Variants in CACNG2 observed in about 807,000 individuals in gnomAD.
CACNG2 encodes the protein voltage-dependent calcium channel gamma-2 subunit.
A neutral mutation model predicts 25.9 loss-of-function variants in CACNG2; 3 were observed. The observed-to-expected ratio is 0.12, with a 90% CI of 0.05 to 0.30. The LOEUF is 0.30. Ranked by LOEUF, CACNG2 falls within the 10% of genes least tolerant of loss-of-function variation. The pLI, the probability that CACNG2 is intolerant of heterozygous loss-of-function variation, is 1.00. For missense variants in CACNG2, 341 were observed against 432.5 expected (o/e 0.79, Z 1.88); for synonymous variants, 167 against 173.3 (o/e 0.96, Z 0.29).
chr22:36,688,491 G>T (rs1017497766), intron 1 of CACNG2, among the ~76,000 whole-genome samples: 1 of 143,672 alleles, frequency 7.0e-6, no homozygotes, highest in African/African-American at 2.6e-5. Flanking sequence ...AGTGAGCCAT[G>T]ATTGCACCAC....
chr22:36,653,711 C>T (rs1419120606), intron 1 of CACNG2, among the ~76,000 whole-genome samples: 1 of 152,076 alleles, frequency 6.6e-6, no homozygotes, highest in Non-Finnish European at 1.5e-5. Context: ...TCTGGAATCT[C>T]TGGGAACCCT....
intron 1 of CACNG2, among the ~76,000 whole-genome samples, chr22:36,592,099 C>T (rs933917700): frequency 2.0e-5 from 3 of 151,788 alleles, no homozygotes; most frequent in Non-Finnish European, 4.4e-5. Context: ...AGAGTTGCGT[C>T]TAACCAGGAG....
intron 1 of CACNG2, among the ~76,000 whole-genome samples, chr22:36,699,989 C>T (rs983949002): frequency 3.9e-5 from 6 of 152,362 alleles, no homozygotes; most frequent in African/African-American, 1.4e-4. Flanking sequence ...CGGTCAAAAG[C>T]GGGCCCGGAG....
intron 1 of CACNG2, among the ~76,000 whole-genome samples, chr22:36,600,142 A>C (rs117558925): frequency 0.018 from 2,775 of 152,360 alleles, 34 homozygotes; most frequent in Non-Finnish European, 0.029. Flanking sequence ...AGAATAAGAT[A>C]AAGGGTATCT....
intron 1 of CACNG2, among the ~76,000 whole-genome samples, chr22:36,597,806 C>A (rs1935699475): frequency 6.6e-6 from 1 of 152,148 alleles, no homozygotes; most frequent in Non-Finnish European, 1.5e-5. Context: ...CATGAGCTTG[C>A]AGGAAGTGCC....
intron 1 of CACNG2, among the ~76,000 whole-genome samples, chr22:36,643,740 A>G (rs1373266132): frequency 6.6e-6 from 1 of 152,160 alleles, no homozygotes; most frequent in African/African-American, 2.4e-5. Flanking sequence ...AGTTACATGA[A>G]TCTTATTGTT....
intron 1 of CACNG2, among the ~76,000 whole-genome samples, chr22:36,675,702 G>T (rs747095314): frequency 2.6e-5 from 4 of 152,180 alleles, no homozygotes; most frequent in Non-Finnish European, 5.9e-5. Flanking sequence ...CCCCATCTCC[G>T]TGCCTCTCTC....
chr22:36,627,561 C>T (rs1936202867), intron 1 of CACNG2, among the ~76,000 whole-genome samples: 1 of 152,016 alleles, frequency 6.6e-6, no homozygotes, highest in Non-Finnish European at 1.5e-5. Context: ...TCAGGCTTAG[C>T]TGCCTTAAAC....
intron 1 of CACNG2, among the ~76,000 whole-genome samples, chr22:36,591,045 T>A (rs1402113826): frequency 6.6e-5 from 10 of 151,404 alleles, no homozygotes; most frequent in African/African-American, 1.7e-4. Flanking sequence ...GAGATATATT[T>A]TTTTTTTTTG....
chr22:36,665,378 G>T (rs1453750554), intron 1 of CACNG2, among the ~76,000 whole-genome samples: 1 of 152,202 alleles, frequency 6.6e-6, no homozygotes, highest in Non-Finnish European at 1.5e-5. Flanking sequence ...GACTCATAGG[G>T]TTGTCACGAG....
intron 1 of CACNG2, among the ~76,000 whole-genome samples, chr22:36,641,085 G>A (rs938619727): frequency 1.3e-5 from 2 of 152,050 alleles, no homozygotes; most frequent in East Asian, 1.9e-4. Flanking sequence ...TTCAATGACC[G>A]CCTCCTCTGA....
intron 1 of CACNG2, among the ~76,000 whole-genome samples, chr22:36,646,923 C>G (rs975964171): frequency 6.6e-6 from 1 of 152,054 alleles, no homozygotes; most frequent in South Asian, 2.1e-4. Flanking sequence ...TTTCTTATAG[C>G]CTGTGGGATG....
chr22:36,636,808 G>A (rs759672296), intron 1 of CACNG2, among the ~76,000 whole-genome samples: 1 of 152,152 alleles, frequency 6.6e-6, no homozygotes, highest in Non-Finnish European at 1.5e-5. Context: ...AATCCTTACC[G>A]ACTGCCCTGT....
intron 1 of CACNG2, among the ~76,000 whole-genome samples, chr22:36,641,145 C>A (rs1383425354): frequency 6.6e-6 from 1 of 152,206 alleles, no homozygotes; most frequent in Non-Finnish European, 1.5e-5. Context: ...TTCTGTCACT[C>A]TCTGTCCCCT....
chr22:36,702,821 G>T lies in CACNG2; in HGVS notation c.-245C>A. ...GGCTTGCCTTTTGAGATCAGAAACT[G>T]TTCCAGTTGCAGTGTTTTTTTTTTA... On this transcript the variant is annotated 5_prime_UTR_variant, in exon 1 of 4. Transcript: ENST00000300105. 6.0e-6 allele frequency: 2 copies of T among 335,720 alleles called. No homozygotes were observed. The highest frequency in any genetic ancestry group is 1.1e-5 in the Non-Finnish European group (2 of 187,936). The allele number at this position is 335,720 out of a possible 1,614,324, so 20.8% of individuals were successfully genotyped here. A position where few individuals can be genotyped will look rare whatever the true frequency, so the allele number is the denominator to read the frequency against.
chr22:36,612,549 C>T (rs909930145), intron 1 of CACNG2, among the ~76,000 whole-genome samples: 12 of 152,304 alleles, frequency 7.9e-5, no homozygotes, highest in African/African-American at 2.9e-4. Flanking sequence ...AGTTTATCGT[C>T]CCTGGAAATC....
At chr22:36,638,977 A>G (rs574403914) in intron 1 of CACNG2, among the ~76,000 whole-genome samples, 44 of 152,182 alleles carry the variant, frequency 2.9e-4, no homozygotes, top group Non-Finnish European at 5.4e-4. Context: ...CTAAGCACCA[A>G]CTGGGTGCTG....
At chr22:36,700,637 A>C (rs2146022737) in intron 1 of CACNG2, among the ~76,000 whole-genome samples, 1 of 152,348 alleles carries the variant, frequency 6.6e-6, no homozygotes, top group South Asian at 2.1e-4. Context: ...ATTAAATGGA[A>C]GTCTTTCCAC....
At chr22:36,597,059 G>C (rs1383505861) in intron 1 of CACNG2, among the ~76,000 whole-genome samples, 3 of 152,104 alleles carry the variant, frequency 2.0e-5, no homozygotes, top group African/African-American at 7.2e-5. Context: ...GTCTCTCTCT[G>C]TTGCTCAGGC....
Sources: allele counts gnomAD v4.1 joint callset (sites outside exome capture counted in the v4.1 genomes callset), GRCh38; gene constraint gnomAD v4.1.1; transcripts MANE v1.5; gene names NCBI Gene and HGNC (gene_info 2026-07-23, HGNC 2026-07-21).